The following WDR33 variants were observed in gnomAD, a reference collection of about 807,000 sequenced individuals.
The protein encoded by WDR33 is pre-mRNA 3' end processing protein WDR33.
A neutral mutation model predicts 164.9 loss-of-function variants in WDR33; 47 were observed. The ratio of observed to expected loss-of-function variants is 0.29; its 90% confidence interval spans 0.23 to 0.36. The LOEUF is 0.36. Ranked by LOEUF, WDR33 falls within the 10% of genes least tolerant of loss-of-function variation. WDR33 has a pLI of 1.00. For synonymous variants in WDR33, 505 were observed against 589.0 expected (o/e 0.86, Z 2.06); for missense variants, 1,137 against 1,754.1 (o/e 0.65, Z 6.28).
intron 1 of WDR33, among the ~76,000 whole-genome samples, chr2:127,774,619 G>T (rs1277599790): frequency 6.6e-6 from 1 of 152,142 alleles, no homozygotes; most frequent in African/African-American, 2.4e-5. Context: ...CACAAGGTCA[G>T]GAGATCGAGA....
At chr2:127,772,128 C>G (rs1057324935) in intron 1 of WDR33, among the ~76,000 whole-genome samples, 1 of 151,406 alleles carries the variant, frequency 6.6e-6, no homozygotes, top group South Asian at 2.1e-4. Context: ...CAAGCCTGGC[C>G]TTACATTTTT....
chr2:127,736,039 A>G, intron 7 of WDR33: 2 of 985,494 alleles, frequency 2.0e-6, no homozygotes, highest in Non-Finnish European at 2.4e-6. Flanking sequence ...GGGGTCCGGC[A>G]GTCAGGTAAG....
At chr2:127,733,328 C>T (rs986565140) in intron 7 of WDR33, among the ~76,000 whole-genome samples, 1 of 152,184 alleles carries the variant, frequency 6.6e-6, no homozygotes, top group African/African-American at 2.4e-5. Flanking sequence ...CTGTGGTGGA[C>T]ATGCAGAATC....
chr2:127,732,965 T>C (rs1469974258), intron 7 of WDR33, among the ~76,000 whole-genome samples: 1 of 152,212 alleles, frequency 6.6e-6, no homozygotes, highest in East Asian at 1.9e-4. Context: ...TTCCAGGCTC[T>C]TTGTGATTCC....
intron 1 of WDR33, among the ~76,000 whole-genome samples, chr2:127,799,217 A>T (rs1168325527): frequency 6.6e-6 from 1 of 152,168 alleles, no homozygotes; most frequent in Non-Finnish European, 1.5e-5. Flanking sequence ...ACCAATGCAC[A>T]ATAAACAAAA....
At chr2:127,767,248 AT>A (rs746035340) in intron 4 of WDR33, among the ~76,000 whole-genome samples, 1 of 151,206 alleles carries the variant, frequency 6.6e-6, no homozygotes, top group African/African-American at 2.4e-5. Context: ...TCTCGGTCTC[AT>A]TTTTTTTCAA....
At chr2:127,786,508 C>T (rs1688578356) in intron 1 of WDR33, among the ~76,000 whole-genome samples, 1 of 152,160 alleles carries the variant, frequency 6.6e-6, no homozygotes, top group Non-Finnish European at 1.5e-5. Flanking sequence ...CATGGCAAAA[C>T]TTTGTCTCTA....
At chr2:127,740,534 A>G (rs936816402) in intron 7 of WDR33, among the ~76,000 whole-genome samples, 1 of 152,222 alleles carries the variant, frequency 6.6e-6, no homozygotes, top group African/African-American at 2.4e-5. Flanking sequence ...TGAGAGTGAG[A>G]TCCTGTCTCT....
Position 127,701,997 on chromosome 2 carries a change from C to T in WDR33, c.*4326G>A, listed in dbSNP as rs1303487074. 2.3e-6 allele frequency: 3 copies of T among 1,326,908 alleles called. No homozygotes were observed. In the African/African-American group the frequency reaches 4.7e-5, roughly 21 times the overall value. 82.2% of individuals were successfully genotyped at this position (1,326,908 alleles called of 1,614,324 possible). A position where few individuals can be genotyped will look rare whatever the true frequency, so the allele number is the denominator to read the frequency against. ...CTACATGGCAGCGCTGGGCGCCACG[C>T]TGTTCGCCGCGCTGGGCCTTCGCAG... On this transcript the variant is annotated 3_prime_UTR_variant, in exon 22 of 22. Coordinates refer to ENST00000322313, the MANE Select transcript of WDR33 (RefSeq NM_018383.5).
chr2:127,752,776 G>A (rs1296348578), intron 7 of WDR33, among the ~76,000 whole-genome samples: 5 of 152,156 alleles, frequency 3.3e-5, no homozygotes, highest in Admixed American at 1.3e-4. Flanking sequence ...GTTGGACATG[G>A]TGCTAAAGGG....
intron 7 of WDR33, among the ~76,000 whole-genome samples, chr2:127,734,582 C>G (rs968859426): frequency 7.9e-5 from 12 of 152,214 alleles, no homozygotes; most frequent in African/African-American, 2.7e-4. Context: ...TCTTCCACTT[C>G]CACTCATTAA....
At chr2:127,795,368 G>A (rs1458062186) in intron 1 of WDR33, among the ~76,000 whole-genome samples, 2 of 151,804 alleles carry the variant, frequency 1.3e-5, no homozygotes, top group Non-Finnish European at 2.9e-5. Context: ...CAAAGTGTTG[G>A]GATTAAAGGC....
chr2:127,728,895 T>TG (rs1686634013), intron 7 of WDR33, among the ~76,000 whole-genome samples: 2 of 152,240 alleles, frequency 1.3e-5, no homozygotes, highest in Non-Finnish European at 2.9e-5. Context: ...AAAGAACGTA[T>TG]GTCTGTTTAG....
chr2:127,708,666 CCTG>C lies in WDR33; in HGVS notation c.3781+8_3781+10del. On this transcript the variant is annotated splice_region_variant and intron_variant, in intron 21 of 21. Coordinates refer to ENST00000322313, the MANE Select transcript of WDR33 (RefSeq NM_018383.5). This position sits in a 1 kb window ranked among gnomAD's most constrained non-coding sequence, Gnocchi z 6.7. ...CATCTCCTGGAACCATAACCACTGG[CCTG>C]CTCTTACCTTTGCCTCCTCGGTCTT... 6.3e-7 allele frequency: 1 copy of C among 1,586,448 alleles called. No homozygotes were observed.
Position 127,713,130 on chromosome 2 carries a change from C to A in WDR33, c.3308+453G>T, listed in dbSNP as rs142234359. On this transcript the variant is annotated intron_variant, in intron 18 of 21. Transcript: ENST00000322313. This position sits in a 1 kb window ranked among gnomAD's most constrained non-coding sequence, Gnocchi z 6.2. ...AGAATGCTGAGATGAGTGTTCAAGCCTGATCTAAGTTTAACAGGAAGACTG... is the reference window on the plus strand; with the variant it reads ...AGAATGCTGAGATGAGTGTTCAAGCATGATCTAAGTTTAACAGGAAGACTG... Among the ~76,000 whole-genome samples, 8 of 152,262 alleles carry A rather than the reference C, an allele frequency of 5.3e-5. No individual in the cohort carries two copies. Among genetic ancestry groups the A allele is most frequent in the Non-Finnish European group, 1.0e-4 (7 of 68,030 alleles).
At chr2:127,736,622 A>G (rs933852510) in intron 7 of WDR33, 4 of 985,360 alleles carry the variant, frequency 4.1e-6, no homozygotes, top group Admixed American at 6.1e-5. Context: ...GAAGACCAAC[A>G]AAGGCTGACC....
At chr2:127,766,248 T>C (rs1364849753) in intron 4 of WDR33, among the ~76,000 whole-genome samples, 1 of 152,206 alleles carries the variant, frequency 6.6e-6, no homozygotes, top group Non-Finnish European at 1.5e-5. Context: ...ACAACAATCC[T>C]ATTTTCCAAA....
At chr2:127,810,204 C>T (rs1195472528) in intron 1 of WDR33, among the ~76,000 whole-genome samples, 1 of 152,148 alleles carries the variant, frequency 6.6e-6, no homozygotes, top group East Asian at 1.9e-4. Flanking sequence ...AGTTCCTGAA[C>T]AGTCAACTTA....
In WDR33 at chr2:127,763,721, C is replaced by T; in HGVS notation, c.627-562G>A. 4.1e-6 allele frequency: 4 copies of T among 985,540 alleles called. No individual in the cohort carries two copies. The highest frequency in any genetic ancestry group is 4.8e-6 in the Non-Finnish European group (4 of 830,034). 61.0% of individuals were successfully genotyped at this position (985,540 alleles called of 1,614,324 possible). On this transcript the variant is annotated intron_variant, in intron 6 of 21. Transcript: ENST00000322313. This position sits in a 1 kb window ranked among gnomAD's most constrained non-coding sequence, Gnocchi z 4.5. Reference sequence around the variant, plus strand: ...GGCAAGCTATTCCATGAATGTTGCACCTTTGAGGAAAACTTTAAAATAAGG... The same window carrying T: ...GGCAAGCTATTCCATGAATGTTGCATCTTTGAGGAAAACTTTAAAATAAGG...
Sources: allele counts gnomAD v4.1 joint callset (sites outside exome capture counted in the v4.1 genomes callset), GRCh38; gene constraint gnomAD v4.1.1; non-coding constraint Gnocchi (gnomAD v3.1); transcripts MANE v1.5; gene names NCBI Gene and HGNC (gene_info 2026-07-23, HGNC 2026-07-21).